CDH12: variants seen among roughly 807,000 people sequenced by gnomAD.
CDH12 encodes the protein cadherin 12.
A neutral mutation model predicts 74.1 loss-of-function variants in CDH12; 41 were observed. That is an observed-to-expected ratio of 0.55 (90% CI 0.43 to 0.72). The LOEUF (loss-of-function observed/expected upper bound fraction) is 0.72, where lower values mean the gene tolerates loss of function less well. CDH12 is among the 30% of genes least tolerant of loss of function. The pLI, the probability that CDH12 is intolerant of heterozygous loss-of-function variation, is 0.00. For missense variants in CDH12, 945 were observed against 977.2 expected (o/e 0.97, Z 0.44); for synonymous variants, 399 against 355.0 (o/e 1.12, Z -1.39).
rs1218356717 is a variant in CDH12, at chr5:22,502,003, CCT to C, written c.-428+3265_-428+3266del. ...AAAAGGCAGATCCTAGATTTGTTTG[CCT>C]CTGTGTCAGTGAAAAGCTCACTTCC... is the stretch of plus-strand genomic sequence containing the variant. On this transcript the variant is annotated intron_variant, in intron 2 of 14. Coordinates refer to ENST00000382254, the MANE Select transcript of CDH12 (RefSeq NM_004061.5). Among the ~76,000 whole-genome samples, 4 of 152,240 alleles carry C rather than the reference CCT, an allele frequency of 2.6e-5. No homozygotes were observed. In the East Asian group the frequency reaches 7.7e-4, roughly 29 times the overall value.
intron 6 of CDH12, among the ~76,000 whole-genome samples, chr5:21,855,453 A>G (rs1437483158): frequency 6.6e-6 from 1 of 151,642 alleles, no homozygotes; most frequent in East Asian, 1.9e-4. Flanking sequence ...AAGAAGTTGA[A>G]GGGAGCTTTT....
chr5:22,362,886 A>G (rs1229639445), intron 3 of CDH12, among the ~76,000 whole-genome samples: 1 of 139,370 alleles, frequency 7.2e-6, no homozygotes, highest in Non-Finnish European at 1.5e-5. Flanking sequence ...AACAATGAGA[A>G]CACTTGGACA....
chr5:22,099,872 T>A (rs1307052389), intron 4 of CDH12, among the ~76,000 whole-genome samples: 1 of 152,198 alleles, frequency 6.6e-6, no homozygotes, highest in Non-Finnish European at 1.5e-5. Flanking sequence ...CTTTTTCAAT[T>A]CATACAAAAC....
At chr5:22,105,162 G>A (rs1744355507) in intron 4 of CDH12, among the ~76,000 whole-genome samples, 1 of 151,886 alleles carries the variant, frequency 6.6e-6, no homozygotes, top group Non-Finnish European at 1.5e-5. Context: ...TACGATCTCA[G>A]CTCACTACAA....
At chr5:22,000,756 C>T (rs1736557873) in intron 5 of CDH12, among the ~76,000 whole-genome samples, 1 of 152,050 alleles carries the variant, frequency 6.6e-6, no homozygotes, top group Admixed American at 6.6e-5. Flanking sequence ...ATTTTACGTG[C>T]CATACATGTA....
At chr5:21,945,858 T>C (rs1363682292) in intron 6 of CDH12, among the ~76,000 whole-genome samples, 2 of 151,866 alleles carry the variant, frequency 1.3e-5, no homozygotes, top group African/African-American at 4.8e-5. Context: ...AATGTGGGAC[T>C]AAAAAACTAT....
At chr5:22,371,971 T>A (rs1741311097) in intron 3 of CDH12, among the ~76,000 whole-genome samples, 1 of 152,174 alleles carries the variant, frequency 6.6e-6, no homozygotes, top group South Asian at 2.1e-4. Flanking sequence ...CATGATGATA[T>A]TTTTATTCTT....
intron 2 of CDH12, among the ~76,000 whole-genome samples, chr5:22,465,699 G>T (rs567852084): frequency 6.6e-6 from 1 of 151,988 alleles, no homozygotes; most frequent in Non-Finnish European, 1.5e-5. Context: ...AACACTTGAC[G>T]TATTTCTCCC....
intron 4 of CDH12, among the ~76,000 whole-genome samples, chr5:22,172,688 G>A (rs1274835624): frequency 6.6e-6 from 1 of 151,694 alleles, no homozygotes; most frequent in Non-Finnish European, 1.5e-5. Context: ...TGTCTGTTGG[G>A]TAGATGACTG....
intron 9 of CDH12, among the ~76,000 whole-genome samples, chr5:21,810,978 A>T (rs1338941910): frequency 6.6e-6 from 1 of 152,152 alleles, no homozygotes; most frequent in African/African-American, 2.4e-5. Flanking sequence ...TTTACGGGTA[A>T]GTATAAAATA....
In CDH12 at chr5:22,738,279, C is replaced by A. The variant is rs142189138; in HGVS notation, c.-523+114779G>T. Among the ~76,000 whole-genome samples, 12 of 152,124 alleles carry A rather than the reference C, an allele frequency of 7.9e-5. No homozygotes were observed. The East Asian group carries it at 2.3e-3, about 29-fold the overall frequency. ...AGTCTATGGTAATGGTCTAATTTTA[C>A]TAATATTTGCTTTGCTCTAGTTTTG... On this transcript the variant is annotated intron_variant, in intron 1 of 14. Transcript: ENST00000382254.
intron 2 of CDH12, among the ~76,000 whole-genome samples, chr5:22,459,810 C>CA (rs2126581784): frequency 6.6e-6 from 1 of 151,926 alleles, no homozygotes; most frequent in East Asian, 1.9e-4. Flanking sequence ...ATTAAAAACA[C>CA]AAAAAATTAG....
intron 6 of CDH12, among the ~76,000 whole-genome samples, chr5:21,880,603 C>CTTT (rs1752239441): frequency 4.8e-5 from 3 of 62,314 alleles, no homozygotes; most frequent in African/African-American, 1.7e-4. Flanking sequence ...TTCCTTCCTT[C>CTTT]CTTCCTTCCT....
intron 1 of CDH12, among the ~76,000 whole-genome samples, chr5:22,563,138 A>G (rs1739141695): frequency 6.6e-6 from 1 of 150,554 alleles, no homozygotes; most frequent in South Asian, 2.1e-4. Context: ...GCTCAAATAA[A>G]TCTAGCAGAC....
intron 3 of CDH12, among the ~76,000 whole-genome samples, chr5:22,237,819 C>T (rs1752611543): frequency 6.6e-6 from 1 of 152,110 alleles, no homozygotes; most frequent in African/African-American, 2.4e-5. Flanking sequence ...CTTCATAGCA[C>T]CACGAGGCCT....
intron 1 of CDH12, among the ~76,000 whole-genome samples, chr5:22,722,333 A>C (rs1743941611): frequency 3.9e-5 from 6 of 152,246 alleles, no homozygotes; most frequent in Admixed American, 3.9e-4. Flanking sequence ...TTGTCTAGCA[A>C]GTTACAACCA....
At position 22,098,513 on chromosome 5, in the gene CDH12, T is replaced by C. The variant is rs1232378945; in HGVS notation, c.-186-19651A>G. On this transcript the variant is annotated intron_variant, in intron 4 of 14. Transcript: ENST00000382254. ...GCAGCTGCCGCTGCTTTAATACTTTTAGAGGCCCTAAAAATCACAAACTAT... is the reference window on the plus strand; with the variant it reads ...GCAGCTGCCGCTGCTTTAATACTTTCAGAGGCCCTAAAAATCACAAACTAT... Among the ~76,000 whole-genome samples, 3 of 152,308 alleles carry C rather than the reference T, an allele frequency of 2.0e-5. No homozygotes were observed. The East Asian group carries it at 5.8e-4, about 29-fold the overall frequency.
In CDH12 at chr5:22,319,472, G is replaced by A. The variant is rs145718184; in HGVS notation, c.-333+85785C>T. Among the ~76,000 whole-genome samples the A allele has an allele frequency of 6.4e-4, 97 of 152,216 alleles. No individual in the cohort carries two copies. The Middle Eastern group carries it at 0.01, about 16-fold the overall frequency. Reference sequence around the variant, plus strand: ...ACGGAAATTTAGGGTTTGTCTATGTGGAAAGGCAAACTTCTTTGCTTCTAA... The same window carrying A: ...ACGGAAATTTAGGGTTTGTCTATGTAGAAAGGCAAACTTCTTTGCTTCTAA... On this transcript the variant is annotated intron_variant, in intron 3 of 14. Coordinates refer to ENST00000382254, the MANE Select transcript of CDH12 (RefSeq NM_004061.5).
intron 1 of CDH12, among the ~76,000 whole-genome samples, chr5:22,663,505 T>A (rs1740452714): frequency 6.6e-6 from 1 of 152,228 alleles, no homozygotes; most frequent in Non-Finnish European, 1.5e-5. Context: ...ATCCTTTATG[T>A]TGCCATAGGC....
Sources: gnomAD v4.1 joint callset for allele counts (sites outside exome capture counted in the v4.1 genomes callset) on GRCh38, gnomAD v4.1.1 for gene constraint, MANE v1.5 for transcripts, NCBI Gene and HGNC (gene_info 2026-07-23, HGNC 2026-07-21) for gene names.